The following IRAG1 variants were observed in gnomAD, a reference collection of about 807,000 sequenced individuals.
The protein encoded by IRAG1 is inositol 1,4,5-triphosphate receptor associated 1.
Under a neutral mutation model 106.2 loss-of-function variants are expected in IRAG1, and 62 were observed. The ratio of observed to expected loss-of-function variants is 0.58; its 90% CI spans 0.48 to 0.72. The LOEUF is 0.72. Among genes scored for constraint, IRAG1 ranks in the 30% least tolerant of loss-of-function variants. IRAG1 has a pLI of 0.00. For synonymous variants in IRAG1, 462 were observed against 443.9 expected (o/e 1.04, Z -0.51); for missense variants, 1,064 against 1,140.7 (o/e 0.93, Z 0.97).
chr11:10,599,431 T>G (rs931255794), intron 15 of IRAG1, among the ~76,000 whole-genome samples: 1 of 152,152 alleles, frequency 6.6e-6, no homozygotes, highest in Non-Finnish European at 1.5e-5. Flanking sequence ...AGGATTCCTT[T>G]GGCGGCAACT....
intron 2 of IRAG1, among the ~76,000 whole-genome samples, chr11:10,642,242 A>G (rs1857568675): frequency 6.6e-6 from 1 of 152,252 alleles, no homozygotes; most frequent in African/African-American, 2.4e-5. Context: ...ATAAGCCAGC[A>G]GGCCACATTT....
intron 3 of IRAG1, 66 bp downstream of exon 3, chr11:10,633,902 T>C (rs1262685195): frequency 7.1e-6 from 6 of 841,166 alleles, no homozygotes; most frequent in Admixed American, 3.1e-5. Flanking sequence ...TTTAAAAATA[T>C]AGCTGTCTGA....
At position 10,627,760 on chromosome 11, in the gene IRAG1, T is replaced by G. The variant is rs1229213014; in HGVS notation, c.706A>C (p.Lys236Gln). The change falls in exon 8 of 21, where the codon AAG becomes CAG. Residue 236 changes from lysine (K) to glutamine (Q), a missense_variant and splice_region_variant. Lys to Gln is a moderately conservative substitution (Grantham distance 53). Coordinates refer to ENST00000423302, the MANE Select transcript of IRAG1 (RefSeq NM_130385.4). ...PSPLPGAPPQKGDEADVSSPH... is the reference protein window; with the variant it reads ...PSPLPGAPPQQGDEADVSSPH... ...GAAGAGACGTCGGCCTCATCCCCCT[T>G]CTGCTGGAGAAGGTGAACAGGAGTC... 6.2e-7 allele frequency: 1 copy of G among 1,613,922 alleles called. No homozygotes were observed. The highest frequency in any genetic ancestry group is 8.5e-7 in the Non-Finnish European group (1 of 1,179,874).
At chr11:10,635,297 T>C (rs761110395) in intron 2 of IRAG1, among the ~76,000 whole-genome samples, 1 of 152,206 alleles carries the variant, frequency 6.6e-6, no homozygotes, top group African/African-American at 2.4e-5. Context: ...TTGACTGGCA[T>C]GTGCTGCCAC....
intron 1 of IRAG1, chr11:10,652,503 C>A: frequency 2.3e-6 from 1 of 428,762 alleles, no homozygotes; most frequent in Non-Finnish European, 3.9e-6. Flanking sequence ...ATCACATTGG[C>A]AGTTGTTTAC....
intron 18 of IRAG1, among the ~76,000 whole-genome samples, 162 bp from the exon 19 acceptor site, chr11:10,582,148 T>G (rs144331567): frequency 2.3e-3 from 349 of 152,340 alleles, no homozygotes; most frequent in African/African-American, 8.1e-3. Context: ...AGACAAGATT[T>G]TATAAAGGTC....
intron 1 of IRAG1, among the ~76,000 whole-genome samples, chr11:10,691,299 G>A (rs1862038115): frequency 6.6e-6 from 1 of 152,232 alleles, no homozygotes; most frequent in Non-Finnish European, 1.5e-5. Flanking sequence ...GACACACAAC[G>A]GGTGAGGAAC....
intron 1 of IRAG1, among the ~76,000 whole-genome samples, chr11:10,662,472 C>T (rs1281891324): frequency 6.6e-6 from 1 of 152,262 alleles, no homozygotes; most frequent in Non-Finnish European, 1.5e-5. Context: ...CTGACACCTT[C>T]ATGCTTCTGT....
At chr11:10,581,571 G>C (rs879543653) in intron 19 of IRAG1, among the ~76,000 whole-genome samples, 2 of 152,056 alleles carry the variant, frequency 1.3e-5, no homozygotes, top group Non-Finnish European at 2.9e-5. Flanking sequence ...GCACCACCAA[G>C]AGGAACCCAT....
intron 1 of IRAG1, among the ~76,000 whole-genome samples, chr11:10,674,143 G>A (rs1182764309): frequency 6.6e-6 from 1 of 152,238 alleles, no homozygotes; most frequent in Admixed American, 6.5e-5. Context: ...CCAGGGCACT[G>A]AGCTCAGAGG....
intron 17 of IRAG1, 36 bp from the exon 18 acceptor site, chr11:10,591,648 C>A: frequency 1.3e-6 from 2 of 1,545,702 alleles, no homozygotes; most frequent in South Asian, 1.2e-5. Flanking sequence ...ATTGAGGATG[C>A]GCTATGGAAG....
intron 3 of IRAG1, among the ~76,000 whole-genome samples, chr11:10,633,612 G>A (rs749492202): frequency 6.6e-6 from 1 of 152,126 alleles, no homozygotes; most frequent in African/African-American, 2.4e-5. Flanking sequence ...ACTCTCCTGC[G>A]GTGATTTATG....
At chr11:10,656,788 C>T (rs1383248198) in intron 1 of IRAG1, among the ~76,000 whole-genome samples, 1 of 152,106 alleles carries the variant, frequency 6.6e-6, no homozygotes, top group African/African-American at 2.4e-5. Context: ...AGTCTGACTC[C>T]TAGGCCCGCC....
In IRAG1 at chr11:10,628,760, TG is replaced by T. The variant is rs758129650; in HGVS notation, c.642del (p.Thr215ProfsTer42). ...GGCAGCTGGGCCTCACCTGGCGGGGTGGGGACTGTAAGTGAGTTGCTCCGAG... is the reference window on the plus strand; with the variant it reads ...GGCAGCTGGGCCTCACCTGGCGGGGTGGGACTGTAAGTGAGTTGCTCCGAG... ...TSSRSNSLTV[P>X]TPPGLDVCSG... is the part of the protein sequence containing the mutation. On this transcript the variant is annotated frameshift_variant, in exon 6 of 21. Coordinates refer to ENST00000423302, the MANE Select transcript of IRAG1 (RefSeq NM_130385.4). LOFTEE classifies it high-confidence loss of function. This position sits in a 1 kb window ranked among gnomAD's most constrained non-coding sequence, Gnocchi z 4.1. 1.3e-6 allele frequency: 2 copies of T among 1,528,070 alleles called. No homozygotes were observed. Among genetic ancestry groups the T allele is most frequent in the East Asian group, 5.2e-5 (2 of 38,648 alleles). 94.7% of individuals were successfully genotyped at this position (1,528,070 alleles called of 1,614,324 possible).
chr11:10,658,785 C>T (rs1361046193), intron 1 of IRAG1, among the ~76,000 whole-genome samples: 1 of 150,514 alleles, frequency 6.6e-6, no homozygotes, highest in Non-Finnish European at 1.5e-5. Flanking sequence ...GTGCTTGCCC[C>T]GTGTCTGTGC....
chr11:10,627,237 C>G (rs1051679319), intron 8 of IRAG1, among the ~76,000 whole-genome samples: 5 of 152,170 alleles, frequency 3.3e-5, no homozygotes, highest in Non-Finnish European at 5.9e-5. Context: ...AGACCCAGTT[C>G]CAGGTGACAC....
rs770161197 is a variant in IRAG1, at chr11:10,628,092, C to T, written c.653-67G>A. 1.9e-6 allele frequency: 3 copies of T among 1,543,408 alleles called. No individual in the cohort carries two copies. Among genetic ancestry groups the T allele is most frequent in the Non-Finnish European group, 2.7e-6 (3 of 1,121,852 alleles). ...AGGCCCTCAGCTGTGCTTTCAGCCA[C>T]ATCTCCCTCCCCGGGCTATCCTCCC... On this transcript the variant is annotated intron_variant, in intron 6 of 20. Transcript: ENST00000423302. This position sits in a 1 kb window ranked among gnomAD's most constrained non-coding sequence, Gnocchi z 4.1.
At chr11:10,577,409 G>A (rs1253931979) in intron 20 of IRAG1, among the ~76,000 whole-genome samples, 1 of 151,788 alleles carries the variant, frequency 6.6e-6, no homozygotes, top group Non-Finnish European at 1.5e-5. Context: ...TCTCTGTGGT[G>A]TGGTAAAAAG....
chr11:10,615,943 A>C (rs1855372639), intron 10 of IRAG1, among the ~76,000 whole-genome samples: 2 of 148,256 alleles, frequency 1.3e-5, no homozygotes, highest in Non-Finnish European at 3.0e-5. Context: ...AATAAAAAAA[A>C]GTATATTACT....
Sources: allele counts gnomAD v4.1 joint callset (sites outside exome capture counted in the v4.1 genomes callset), GRCh38; gene constraint gnomAD v4.1.1; non-coding constraint Gnocchi (gnomAD v3.1); transcripts MANE v1.5; gene names NCBI Gene and HGNC (gene_info 2026-07-23, HGNC 2026-07-21).